TTC3: variants seen among roughly 807,000 people sequenced by gnomAD.
TTC3 encodes tetratricopeptide repeat domain 3, also known as E3 ubiquitin-protein ligase TTC3.
Under a neutral mutation model 249.6 loss-of-function variants are expected in TTC3, and 180 were observed. That is an observed-to-expected ratio of 0.72 (90% CI 0.64 to 0.82). The LOEUF is 0.82. Ranked by LOEUF, TTC3 falls within the 40% of genes least tolerant of loss-of-function variation. The probability of loss-of-function intolerance (pLI) is 0.00; values close to 1 mark genes in which losing one functional copy is unlikely to be tolerated. For synonymous variants in TTC3, 717 were observed against 805.0 expected (o/e 0.89, Z 1.85); for missense variants, 2,061 against 2,398.4 (o/e 0.86, Z 2.94).
intron 10 of TTC3, chr21:37,097,855 A>T (rs1175698466): frequency 3.2e-6 from 2 of 632,124 alleles, no homozygotes; most frequent in African/African-American, 3.7e-5. Context: ...GAAGGTAGTA[A>T]ACTCTAAGCA....
intron 20 of TTC3, among the ~76,000 whole-genome samples, chr21:37,143,342 A>G (rs2078668624): frequency 6.6e-6 from 1 of 152,064 alleles, no homozygotes; most frequent in Non-Finnish European, 1.5e-5. Context: ...TTTGCAATCT[A>G]CTCATCTGAC....
chr21:37,202,856 A>C (rs2085615549), exon 46 of TTC3: 1 of 152,182 alleles, frequency 6.6e-6, no homozygotes, highest in East Asian at 1.9e-4. Flanking sequence ...TTAGTGACTT[A>C]GTTCTTAGAA....
At chr21:37,126,995 C>T (rs1416969800) in intron 15 of TTC3, among the ~76,000 whole-genome samples, 1 of 152,126 alleles carries the variant, frequency 6.6e-6, no homozygotes, top group Non-Finnish European at 1.5e-5. Flanking sequence ...GCTGGGATTA[C>T]AGGCATGCAC....
exon 46 of TTC3, chr21:37,202,248 T>C (rs926064845): frequency 6.6e-6 from 1 of 152,270 alleles, no homozygotes; most frequent in Non-Finnish European, 1.5e-5. Context: ...ATAGATGTAA[T>C]CTGATTTTCA....
intron 1 of TTC3, chr21:37,086,279 T>C (rs1007588807): frequency 4.6e-5 from 7 of 152,168 alleles, no homozygotes; most frequent in African/African-American, 1.7e-4. Context: ...GGTGAAGTGA[T>C]AGGTACAAGT....
At chr21:37,088,147 T>TAA in intron 3 of TTC3, 49 bp from the exon 4 acceptor site, 1 of 1,462,790 alleles carries the variant, frequency 6.8e-7, no homozygotes, top group Non-Finnish European at 9.1e-7. Flanking sequence ...GTTGATTCAT[T>TAA]AAAAAAATGA....
chr21:37,079,499 C>G (rs1239677539), intron 1 of TTC3, among the ~76,000 whole-genome samples: 1 of 113,816 alleles, frequency 8.8e-6, no homozygotes, highest in Non-Finnish European at 1.8e-5. Context: ...TTTGTCCTTT[C>G]ATCAAGTTTA....
chr21:37,083,915 C>T (rs909258499), intron 1 of TTC3: 12 of 152,050 alleles, frequency 7.9e-5, no homozygotes, highest in Admixed American at 5.9e-4. Context: ...CATAGATAAA[C>T]ACTTGAAAAA....
intron 11 of TTC3, among the ~76,000 whole-genome samples, chr21:37,113,609 C>T (rs1027397759): frequency 1.3e-5 from 2 of 152,134 alleles, no homozygotes; most frequent in Non-Finnish European, 2.9e-5. Flanking sequence ...GGCCATATTG[C>T]CCAAGGTAAT....
intron 11 of TTC3, among the ~76,000 whole-genome samples, chr21:37,117,287 A>C (rs1217111278): frequency 3.3e-5 from 5 of 152,180 alleles, no homozygotes; most frequent in Admixed American, 3.3e-4. Context: ...CTTATTTTAC[A>C]CATGAAGCAA....
intron 7 of TTC3, among the ~76,000 whole-genome samples, chr21:37,092,482 A>G (rs1415547167): frequency 6.6e-6 from 1 of 152,168 alleles, no homozygotes; most frequent in Non-Finnish European, 1.5e-5. Flanking sequence ...CTGATTTTTT[A>G]CATTCTATTT....
At chr21:37,191,588 G>GT (rs1477291382) in intron 40 of TTC3, among the ~76,000 whole-genome samples, 164 bp downstream of exon 40, 2 of 151,820 alleles carry the variant, frequency 1.3e-5, no homozygotes, top group Admixed American at 6.6e-5. Context: ...GTTTTGTTTT[G>GT]TTTTTTTGAG....
intron 34 of TTC3, among the ~76,000 whole-genome samples, chr21:37,168,020 C>T (rs2081399685): frequency 6.6e-6 from 1 of 151,920 alleles, no homozygotes; most frequent in African/African-American, 2.4e-5. Flanking sequence ...AAGATAAAGA[C>T]CTTCTCTACT....
intron 5 of TTC3, among the ~76,000 whole-genome samples, chr21:37,089,334 A>G (rs867905581): frequency 2.6e-5 from 4 of 151,328 alleles, no homozygotes; most frequent in Middle Eastern, 6.8e-3. Flanking sequence ...GTGGTTTTTA[A>G]TTTTTTTTTG....
At chr21:37,198,280 G>A (rs998804778) in intron 44 of TTC3, among the ~76,000 whole-genome samples, 4 of 152,214 alleles carry the variant, frequency 2.6e-5, no homozygotes, top group African/African-American at 7.2e-5. Context: ...TCTGACCATC[G>A]TGGGGGATCT....
At chr21:37,178,087 T>A (rs2082427838) in intron 35 of TTC3, among the ~76,000 whole-genome samples, 1 of 152,216 alleles carries the variant, frequency 6.6e-6, no homozygotes, top group Admixed American at 6.5e-5. Context: ...ATAAGTGTCT[T>A]CTTTCACCTA....
rs765957778 is a variant in TTC3, at chr21:37,088,223, G to A, written c.215G>A (p.Ser72Asn). The change falls in exon 4 of 46, where the codon AGT becomes AAT. Residue 72 changes from serine to asparagine, a missense_variant. By Grantham distance (46) the Ser-to-Asn change is conservative (BLOSUM62 1). Coordinates refer to ENST00000355666, the Ensembl canonical transcript of TTC3. ...TTTGACATCTGCAGTATATGGTGTA[G>A]TAAACCAATTTCTGTCCTGCAAGAT... 3 of 1,610,816 alleles carry A rather than the reference G, an allele frequency of 1.9e-6. No individual in the cohort carries two copies. In the East Asian group the frequency reaches 6.7e-5, roughly 36 times the overall value.
intron 28 of TTC3, 130 bp from the exon 29 acceptor site, chr21:37,159,569 T>C (rs2835636): frequency 0.13 from 129,990 of 1,023,048 alleles, 9,487 homozygotes; most frequent in Admixed American, 0.18. Flanking sequence ...ACTACACTTG[T>C]GTCAAAGCCA....
intron 1 of TTC3, among the ~76,000 whole-genome samples, chr21:37,077,345 C>T (rs540426602): frequency 5.6e-4 from 85 of 151,770 alleles, no homozygotes; most frequent in Non-Finnish European, 8.5e-4. Flanking sequence ...GTTGAAATAC[C>T]ACCATGTTAA....
Sources: allele counts gnomAD v4.1 joint callset (sites outside exome capture counted in the v4.1 genomes callset), GRCh38; gene constraint gnomAD v4.1.1; transcripts MANE v1.5; gene names NCBI Gene and HGNC (gene_info 2026-07-23, HGNC 2026-07-21).